Variants in EHD3 observed in about 807,000 individuals in gnomAD.
EHD3 encodes EH domain containing 3.
EHD3 carries 17 observed loss-of-function variants against 43.0 expected under a neutral mutation model. That is an observed-to-expected ratio of 0.40 (90% confidence interval 0.27 to 0.59). The LOEUF (loss-of-function observed/expected upper bound fraction) is 0.59. EHD3 is among the 20% of genes least tolerant of loss of function. The pLI is 0.49. For missense variants in EHD3, 594 were observed against 705.6 expected, an observed-to-expected ratio of 0.84 and a Z score of 1.79; for synonymous variants, 313 against 289.5, an observed-to-expected ratio of 1.08 and a Z score of -0.82.
At chr2:31,236,581 T>A (rs1397907762) in intron 1 of EHD3, among the ~76,000 whole-genome samples, 2 of 152,206 alleles carry the variant, frequency 1.3e-5, no homozygotes, top group African/African-American at 2.4e-5. Context: ...CTTGGCCCAT[T>A]CATGCCTCAG....
At chr2:31,246,900 CTT>C (rs531957552) in intron 2 of EHD3, among the ~76,000 whole-genome samples, 7 of 143,578 alleles carry the variant, frequency 4.9e-5, no homozygotes, top group Non-Finnish European at 7.7e-5. Flanking sequence ...CAGTGGTTAC[CTT>C]TTTTTTTTTT....
chr2:31,257,795 A>G (rs1210838571), intron 3 of EHD3, among the ~76,000 whole-genome samples: 1 of 152,134 alleles, frequency 6.6e-6, no homozygotes, highest in Non-Finnish European at 1.5e-5. Flanking sequence ...CACTGGGCAG[A>G]GCAGCCTCTG....
intron 2 of EHD3, among the ~76,000 whole-genome samples, chr2:31,245,551 ATATTTTTTTT>A (rs1454951040): frequency 0.037 from 1,201 of 32,114 alleles, 14 homozygotes; most frequent in African/African-American, 0.11. Context: ...ATATATATAT[ATATTTTTTTT>A]TTTTTTTTTT....
chr2:31,266,699 G>A lies in EHD3; in HGVS notation c.1603G>A (p.Glu535Lys), dbSNP rs767841259. 27 of 1,598,838 alleles carry A rather than the reference G, an allele frequency of 1.7e-5. No individual in the cohort carries two copies. Among genetic ancestry groups the A allele is most frequent in the South Asian group, 4.5e-5 (4 of 88,968 alleles). The change falls in exon 6 of 6, where the codon GAG (glutamate) becomes AAG (lysine). Residue 535 changes from glutamate to lysine, a missense_variant. Around this residue, in one of 3 missense-constraint regions of EHD3, gnomAD observed 322 missense variants for 348.0 expected, o/e 0.93. Coordinates refer to ENST00000322054, the MANE Select transcript of EHD3 (RefSeq NM_014600.3). The surrounding 1 kb of genome is among the most constrained non-coding windows in gnomAD (Gnocchi z 5.1). The stretch of plus-strand genomic sequence containing the variant: ...GCCCCCGTCCAAGAGGAAAGTTGCC[G>A]AGTGATGGGGTGGGGGGACATTCAG... ...LLPPSKRKVA[E>K]
intron 1 of EHD3, among the ~76,000 whole-genome samples, chr2:31,241,885 G>A (rs1231763217): frequency 2.6e-5 from 4 of 152,184 alleles, no homozygotes; most frequent in East Asian, 1.9e-4. Flanking sequence ...TCACAACCTC[G>A]GTGCCAGCTT....
At chr2:31,243,837 C>T (rs187793965) in intron 1 of EHD3, among the ~76,000 whole-genome samples, 3 of 152,080 alleles carry the variant, frequency 2.0e-5, no homozygotes, top group African/African-American at 7.2e-5. Flanking sequence ...AAGAACTAAC[C>T]GGTTAAATAA....
chr2:31,265,964 A>G (rs1424505320), intron 5 of EHD3, among the ~76,000 whole-genome samples: 1 of 151,992 alleles, frequency 6.6e-6, no homozygotes, highest in East Asian at 1.9e-4. Flanking sequence ...CTACTGAAAA[A>G]TCCCATCATC....
intron 1 of EHD3, among the ~76,000 whole-genome samples, chr2:31,238,636 T>C (rs1482196382): frequency 1.3e-5 from 2 of 152,188 alleles, no homozygotes; most frequent in Admixed American, 1.3e-4. Flanking sequence ...CTGCCTCTGC[T>C]ATTCTTCTCC....
At chr2:31,237,720 A>G (rs1683348175) in intron 1 of EHD3, among the ~76,000 whole-genome samples, 1 of 152,218 alleles carries the variant, frequency 6.6e-6, no homozygotes, top group Non-Finnish European at 1.5e-5. Flanking sequence ...TTTCTTACTT[A>G]TAGCATGAAC....
Position 31,234,693 on chromosome 2 carries a change from G to T in EHD3, c.72G>T (p.Gly24=), listed in dbSNP as rs199989328. 6.2e-7 allele frequency: 1 copy of T among 1,614,220 alleles called. No homozygotes were observed. Among genetic ancestry groups the T allele is most frequent in the Non-Finnish European group, 8.5e-7 (1 of 1,180,034 alleles). Residue 24 remains glycine (G), a synonymous_variant, in exon 1 of 6, where the codon GGG becomes GGT. Coordinates refer to ENST00000322054, the MANE Select transcript of EHD3 (RefSeq NM_014600.3). ...AGGTTTTCCAGACGGTGAGTGAGGG[G>T]CTCAAGAAACTCTACAAGAGCAAGC... ...DPEVFQTVSE[G]LKKLYKSKLL...
At chr2:31,245,219 T>C (rs374531309) in intron 2 of EHD3, among the ~76,000 whole-genome samples, 2 of 152,212 alleles carry the variant, frequency 1.3e-5, no homozygotes, top group African/African-American at 4.8e-5. Flanking sequence ...TGCCTTCAGA[T>C]AGACCTGGGT....
At chr2:31,262,683 C>T (rs1263440515) in intron 5 of EHD3, among the ~76,000 whole-genome samples, 1 of 152,204 alleles carries the variant, frequency 6.6e-6, no homozygotes, top group East Asian at 1.9e-4. Context: ...TTTGGGAAGC[C>T]GAGGCGGGCA....
chr2:31,252,088 A>G (rs948717358), intron 3 of EHD3, among the ~76,000 whole-genome samples: 1 of 152,198 alleles, frequency 6.6e-6, no homozygotes, highest in Non-Finnish European at 1.5e-5. Context: ...GCGGTTTCCA[A>G]GGACACTGTA....
intron 3 of EHD3, among the ~76,000 whole-genome samples, chr2:31,251,150 A>T (rs1376761032): frequency 6.6e-6 from 1 of 152,182 alleles, no homozygotes; most frequent in Non-Finnish European, 1.5e-5. Flanking sequence ...GCAGGCCACT[A>T]GTGCCAGACC....
Position 31,257,928 on chromosome 2 carries a change from C to T in EHD3, c.503-2582C>T, listed in dbSNP as rs72861145. 5.0e-3 allele frequency among the ~76,000 whole-genome samples: 760 copies of T among 152,276 alleles called. 9 individuals are homozygous for T. The highest frequency in any genetic ancestry group is 0.028 in the South Asian group (135 of 4,818). On this transcript the variant is annotated intron_variant, in intron 3 of 5. Transcript: ENST00000322054. Reference sequence around the variant, plus strand: ...CCATCAGGAACTATCCTCAGGATGGCACCTGGAGATACTGGGCCAGCTCTG... The same window carrying T: ...CCATCAGGAACTATCCTCAGGATGGTACCTGGAGATACTGGGCCAGCTCTG...
In EHD3 at chr2:31,266,493, A is replaced by AT; in HGVS notation, c.1398dup (p.Ala467CysfsTer25). 6.2e-7 allele frequency: 1 copy of AT among 1,614,148 alleles called. No homozygotes were observed. Among genetic ancestry groups the AT allele is most frequent in the Non-Finnish European group, 8.5e-7 (1 of 1,180,026 alleles). ...GTGGATGGCAAGATCACAGGCGCTA[A>AT]TGCCAAGAAGGAGATGGTGCGCTCC... is the stretch of plus-strand genomic sequence containing the variant. On this transcript the variant is annotated frameshift_variant, in exon 6 of 6. Coordinates refer to ENST00000322054, the MANE Select transcript of EHD3 (RefSeq NM_014600.3). LOFTEE classifies it high-confidence loss of function. The surrounding 1 kb of genome is among the most constrained non-coding windows in gnomAD (Gnocchi z 5.1).
chr2:31,244,568 C>A, intron 2 of EHD3, 118 bp downstream of exon 2: 1 of 1,089,574 alleles, frequency 9.2e-7, no homozygotes, highest in Non-Finnish European at 1.3e-6. Flanking sequence ...TCCTGTCAAT[C>A]TTTCCATACC....
chr2:31,267,237 A>T lies in EHD3; in HGVS notation c.*533A>T, dbSNP rs1470996678. The T allele has an allele frequency of 6.5e-6, 1 of 153,272 alleles. No individual in the cohort carries two copies. The highest frequency in any genetic ancestry group is 1.5e-5 in the Non-Finnish European group (1 of 68,826). 9.5% of individuals were successfully genotyped at this position (153,272 alleles called of 1,614,324 possible). ...AGGTGAGAAAGGAAGCGTCTTCTAG[A>T]GACATTGGCCCAGGAGCTCTGTTCT... On this transcript the variant is annotated 3_prime_UTR_variant, in exon 6 of 6. Transcript: ENST00000322054.
chr2:31,238,645 C>T (rs1406411452), intron 1 of EHD3, among the ~76,000 whole-genome samples: 1 of 152,240 alleles, frequency 6.6e-6, no homozygotes, highest in Non-Finnish European at 1.5e-5. Flanking sequence ...CTATTCTTCT[C>T]CCTTTGCTAT....
Sources: gnomAD v4.1 joint callset for allele counts (sites outside exome capture counted in the v4.1 genomes callset) on GRCh38, gnomAD v4.1.1 for gene constraint, gnomAD v4.1.1 regional missense constraint, Gnocchi (gnomAD v3.1) non-coding constraint, MANE v1.5 for transcripts, NCBI Gene and HGNC (gene_info 2026-07-23, HGNC 2026-07-21) for gene names.